Variants in BACH2 observed in about 807,000 individuals in gnomAD.
The protein encoded by BACH2 is transcription regulator protein BACH2.
BACH2 carries 5 observed loss-of-function variants against 61.8 expected under a neutral mutation model. The observed-to-expected ratio is 0.08, with a 90% confidence interval of 0.04 to 0.17. The LOEUF is 0.17. BACH2 is among the 10% of genes least tolerant of loss of function. BACH2 has a pLI of 1.00. For synonymous variants in BACH2, 446 were observed against 440.1 expected (o/e 1.01, Z -0.17); for missense variants, 824 against 1,091.1 (o/e 0.76, Z 3.45).
chr6:90,287,807 A>T (rs1224536944), intron 1 of BACH2, among the ~76,000 whole-genome samples: 1 of 152,174 alleles, frequency 6.6e-6, no homozygotes, highest in Non-Finnish European at 1.5e-5. Flanking sequence ...TAACATGCTG[A>T]TGCTTCAGAA....
intron 4 of BACH2, among the ~76,000 whole-genome samples, chr6:90,200,333 C>T (rs927721306): frequency 3.9e-5 from 6 of 152,116 alleles, no homozygotes; most frequent in South Asian, 2.1e-4. Context: ...TCTTTGAACA[C>T]GTAAATGAAG....
At chr6:90,260,632 A>G (rs931219585) in intron 2 of BACH2, among the ~76,000 whole-genome samples, 2 of 152,214 alleles carry the variant, frequency 1.3e-5, no homozygotes, top group Non-Finnish European at 2.9e-5. Flanking sequence ...CATGTTGTTG[A>G]ACTGAGAAGT....
chr6:89,958,660 A>G (rs1431178266), intron 6 of BACH2, among the ~76,000 whole-genome samples: 2 of 152,212 alleles, frequency 1.3e-5, no homozygotes, highest in Non-Finnish European at 2.9e-5. Context: ...TAACAGAGGT[A>G]TTTGCAGGAT....
In BACH2 at chr6:89,928,014, C is replaced by G. The variant is rs975567507; in HGVS notation, c.*4394G>C. On this transcript the variant is annotated 3_prime_UTR_variant, in exon 9 of 9. Coordinates refer to ENST00000257749, the MANE Select transcript of BACH2 (RefSeq NM_021813.4). Reference sequence around the variant, plus strand: ...TTCCTGTATGAATACCAACTCCACACAGGGCATTGTATTGTGGACTGACTC... The same window carrying G: ...TTCCTGTATGAATACCAACTCCACAGAGGGCATTGTATTGTGGACTGACTC... 1 of 152,360 alleles carries G rather than the reference C, an allele frequency of 6.6e-6. No individual in the cohort carries two copies. Among genetic ancestry groups the G allele is most frequent in the South Asian group, 2.1e-4 (1 of 4,832 alleles). The allele number at this position is 152,360 out of a possible 1,614,324, so 9.4% of individuals were successfully genotyped here. A position where few individuals can be genotyped will look rare whatever the true frequency, so the allele number is the denominator to read the frequency against.
intron 3 of BACH2, among the ~76,000 whole-genome samples, chr6:90,242,615 C>T (rs1770490895): frequency 2.6e-5 from 4 of 152,176 alleles, no homozygotes; most frequent in South Asian, 2.1e-4. Flanking sequence ...TGCGTAGTTG[C>T]TGAATTGTAC....
rs117170114 is a variant in BACH2, at chr6:90,275,746, C to T, written c.-445-3805G>A. ...ATCCCAGCACTTTGGGAGGCCAAGGCGGCCTGAACATCTGAGGTCAGAAGT... is the reference window on the plus strand; with the variant it reads ...ATCCCAGCACTTTGGGAGGCCAAGGTGGCCTGAACATCTGAGGTCAGAAGT... On this transcript the variant is annotated intron_variant, in intron 1 of 8. Coordinates refer to ENST00000257749, the MANE Select transcript of BACH2 (RefSeq NM_021813.4). 1.4e-3 allele frequency among the ~76,000 whole-genome samples: 218 copies of T among 152,166 alleles called. 7 individuals are homozygous for T. The East Asian group carries it at 0.04, about 28-fold the overall frequency.
chr6:89,952,441 C>T lies in BACH2; in HGVS notation c.244-579G>A, dbSNP rs537347585. Among the ~76,000 whole-genome samples the T allele has an allele frequency of 5.3e-5, 8 of 152,286 alleles. No individual in the cohort carries two copies. In the South Asian group the frequency reaches 8.3e-4, roughly 16 times the overall value. ...CATCACAGTTTCTACTTGAGACTTT[C>T]GGTCATCATGTCTACCTGATCTTAT... On this transcript the variant is annotated intron_variant, in intron 6 of 8. Coordinates refer to ENST00000257749, the MANE Select transcript of BACH2 (RefSeq NM_021813.4).
intron 4 of BACH2, among the ~76,000 whole-genome samples, chr6:90,094,194 C>G (rs746193596): frequency 1.3e-5 from 2 of 152,130 alleles, no homozygotes; most frequent in Non-Finnish European, 2.9e-5. Flanking sequence ...AAATGGTGGG[C>G]AAGGGAGTGT....
chr6:90,026,343 T>G (rs1469105447), intron 5 of BACH2, among the ~76,000 whole-genome samples: 1 of 152,148 alleles, frequency 6.6e-6, no homozygotes, highest in Non-Finnish European at 1.5e-5. Context: ...CTTAAATTAG[T>G]TTTGCAAGAT....
At chr6:90,287,489 CTTTG>C (rs1253420953) in intron 1 of BACH2, among the ~76,000 whole-genome samples, 3 of 152,060 alleles carry the variant, frequency 2.0e-5, no homozygotes, top group Non-Finnish European at 4.4e-5. Context: ...TCCCTGGAAG[CTTTG>C]TTTAAATGTT....
chr6:89,987,358 A>C (rs570282845), intron 6 of BACH2, among the ~76,000 whole-genome samples: 102 of 152,240 alleles, frequency 6.7e-4, no homozygotes, highest in Non-Finnish European at 1.1e-3. Context: ...TCTGCTCTTT[A>C]CCACTCAAAT....
At chr6:90,036,115 T>C (rs775100176) in intron 5 of BACH2, among the ~76,000 whole-genome samples, 38 of 151,656 alleles carry the variant, frequency 2.5e-4, no homozygotes, top group Non-Finnish European at 4.6e-4. Flanking sequence ...ATGGGTTTCC[T>C]TTGAGTCACA....
At chr6:90,115,190 C>A (rs144948720) in intron 4 of BACH2, among the ~76,000 whole-genome samples, 1 of 151,888 alleles carries the variant, frequency 6.6e-6, no homozygotes, top group Non-Finnish European at 1.5e-5. Flanking sequence ...TTATGTGGAA[C>A]GAAAAAAGAG....
At chr6:90,194,802 C>T (rs778209421) in intron 4 of BACH2, among the ~76,000 whole-genome samples, 8 of 152,158 alleles carry the variant, frequency 5.3e-5, no homozygotes, top group Non-Finnish European at 1.0e-4. Flanking sequence ...TGACTTCTTT[C>T]CTGAACTGGC....
chr6:90,132,525 A>C (rs1327282399), intron 4 of BACH2, among the ~76,000 whole-genome samples: 1 of 152,082 alleles, frequency 6.6e-6, no homozygotes. Context: ...GTTTTCACCA[A>C]CATCTCACAG....
intron 7 of BACH2, among the ~76,000 whole-genome samples, chr6:89,943,314 T>A (rs536134967): frequency 6.6e-6 from 1 of 152,272 alleles, no homozygotes; most frequent in East Asian, 1.9e-4. Context: ...AGAAATCGGC[T>A]GCTTTATTTC....
rs186536756 is a variant in BACH2, at chr6:90,228,909, C to A, written c.-274-22228G>T. On this transcript the variant is annotated intron_variant, in intron 3 of 8. Transcript: ENST00000257749. ...CCTTTGGGGAGAAACCATCATTTGA[C>A]AGTGAGGTACAATTCCAAGTCAGGT... Among the ~76,000 whole-genome samples, 69 of 152,282 alleles carry A rather than the reference C, an allele frequency of 4.5e-4. 1 individual carries two copies. Among genetic ancestry groups the A allele is most frequent in the South Asian group, 1.4e-3 (7 of 4,832 alleles).
intron 2 of BACH2, among the ~76,000 whole-genome samples, chr6:90,271,605 A>C (rs974567097): frequency 6.6e-6 from 1 of 152,226 alleles, no homozygotes; most frequent in Non-Finnish European, 1.5e-5. Flanking sequence ...AATTCTCAAA[A>C]GAAGACATCC....
intron 4 of BACH2, among the ~76,000 whole-genome samples, chr6:90,105,356 G>A (rs1228655957): frequency 6.6e-6 from 1 of 152,194 alleles, no homozygotes; most frequent in East Asian, 1.9e-4. Flanking sequence ...CTTGCTACAG[G>A]CCAACTAAGC....
Sources: gnomAD v4.1 joint callset for allele counts (sites outside exome capture counted in the v4.1 genomes callset) on GRCh38, gnomAD v4.1.1 for gene constraint, MANE v1.5 for transcripts, NCBI Gene and HGNC (gene_info 2026-07-23, HGNC 2026-07-21) for gene names.